SWT1: variants seen among roughly 807,000 people sequenced by gnomAD.
The protein encoded by SWT1 is transcriptional protein SWT1.
A neutral mutation model predicts 107.3 loss-of-function variants in SWT1; 33 were observed. The observed-to-expected ratio is 0.31, with a 90% CI of 0.23 to 0.41. The LOEUF (loss-of-function observed/expected upper bound fraction) is 0.41, where lower values mean the gene tolerates loss of function less well. SWT1 is among the 10% of genes least tolerant of loss of function. SWT1 has a pLI of 1.00. For missense variants in SWT1, 898 were observed against 1,028.9 expected, an observed-to-expected ratio of 0.87 and a Z score of 1.74; for synonymous variants, 345 against 348.3, an observed-to-expected ratio of 0.99 and a Z score of 0.11.
At chr1:185,226,516 A>G (rs1399190891) in intron 15 of SWT1, among the ~76,000 whole-genome samples, 3 of 152,126 alleles carry the variant, frequency 2.0e-5, no homozygotes, top group Non-Finnish European at 4.4e-5. Context: ...TGGGAGGATC[A>G]CTTGAGGCCA....
At chr1:185,232,498 A>G (rs1197280264) in intron 16 of SWT1, among the ~76,000 whole-genome samples, 2 of 152,180 alleles carry the variant, frequency 1.3e-5, no homozygotes, top group African/African-American at 4.8e-5. Context: ...TCTGAATCCA[A>G]ACAGCTGTGG....
intron 18 of SWT1, among the ~76,000 whole-genome samples, chr1:185,287,392 G>A (rs1665009880): frequency 1.3e-5 from 2 of 152,116 alleles, no homozygotes; most frequent in Admixed American, 6.5e-5. Context: ...TTTGAGCTCT[G>A]TTCTCGAAAG....
At chr1:185,260,713 G>A (rs1021884686) in intron 16 of SWT1, among the ~76,000 whole-genome samples, 5 of 152,102 alleles carry the variant, frequency 3.3e-5, no homozygotes, top group African/African-American at 4.8e-5. Context: ...TGAAAGGGTT[G>A]TGTTTATGAA....
chr1:185,262,630 A>C (rs1047650752), intron 16 of SWT1: 3 of 152,170 alleles, frequency 2.0e-5, no homozygotes, highest in Non-Finnish European at 4.4e-5. Context: ...ATTTTCTTAT[A>C]GTTCTAGAAA....
At chr1:185,209,124 C>T (rs1658565137) in intron 13 of SWT1, among the ~76,000 whole-genome samples, 1 of 152,108 alleles carries the variant, frequency 6.6e-6, no homozygotes, top group South Asian at 2.1e-4. Context: ...GGAGGAATTT[C>T]TTGTGGGATT....
chr1:185,227,582 C>A, intron 15 of SWT1: 1 of 507,184 alleles, frequency 2.0e-6, no homozygotes. Context: ...TTATTTTTAT[C>A]CTATTATCAC....
rs535842751 is a variant in SWT1, at chr1:185,257,443, C to T, written c.2442-13880C>T. Among the ~76,000 whole-genome samples, 719 of 150,298 alleles carry T rather than the reference C, an allele frequency of 4.8e-3. 5 individuals carry two copies. The highest frequency in any genetic ancestry group is 0.016 in the African/African-American group (668 of 41,084). On this transcript the variant is annotated intron_variant, in intron 16 of 18. Coordinates refer to ENST00000367500, the MANE Select transcript of SWT1 (RefSeq NM_017673.7). Reference sequence around the variant, plus strand: ...CTAGCAATCAGCGAGACTCCGTGGGCGTAGGACCCTCCGAGCCAGGTGCGG... The same window carrying T: ...CTAGCAATCAGCGAGACTCCGTGGGTGTAGGACCCTCCGAGCCAGGTGCGG...
At chr1:185,266,296 C>T (rs1571663607) in intron 16 of SWT1, among the ~76,000 whole-genome samples, 2 of 152,328 alleles carry the variant, frequency 1.3e-5, no homozygotes, top group East Asian at 1.9e-4. Flanking sequence ...GATCTCCTGA[C>T]CTCGTGATCT....
At chr1:185,195,889 A>G (rs1657343739) in intron 10 of SWT1, among the ~76,000 whole-genome samples, 1 of 152,188 alleles carries the variant, frequency 6.6e-6, no homozygotes. Flanking sequence ...GATTCTGGAT[A>G]TTAGCCCTTT....
At chr1:185,173,133 G>A (rs564784577) in intron 4 of SWT1, among the ~76,000 whole-genome samples, 15 of 150,770 alleles carry the variant, frequency 9.9e-5, no homozygotes, top group Non-Finnish European at 2.1e-4. Flanking sequence ...TTTTAAAAAT[G>A]TTTATTAGCT....
chr1:185,175,295 T>A (rs1179024039), intron 5 of SWT1, among the ~76,000 whole-genome samples, 182 bp downstream of exon 5: 1 of 151,806 alleles, frequency 6.6e-6, no homozygotes, highest in Non-Finnish European at 1.5e-5. Flanking sequence ...GGCACGATCC[T>A]GGCTCACTGC....
chr1:185,245,504 T>C (rs190773764), intron 16 of SWT1, among the ~76,000 whole-genome samples: 1 of 152,206 alleles, frequency 6.6e-6, no homozygotes, highest in Non-Finnish European at 1.5e-5. Context: ...TACCCTAAAA[T>C]AATAATAAAA....
chr1:185,240,795 GT>G (rs1260006964), intron 16 of SWT1, among the ~76,000 whole-genome samples: 1 of 151,968 alleles, frequency 6.6e-6, no homozygotes, highest in African/African-American at 2.4e-5. Flanking sequence ...GAAGTTTGGG[GT>G]TTTTTGGGTG....
intron 16 of SWT1, among the ~76,000 whole-genome samples, chr1:185,233,250 A>G (rs886312240): frequency 6.6e-6 from 1 of 152,206 alleles, no homozygotes. Flanking sequence ...TCAAAAAACC[A>G]GCTCCTGGAT....
intron 9 of SWT1, among the ~76,000 whole-genome samples, chr1:185,189,584 A>G (rs1479600465): frequency 6.6e-6 from 1 of 151,990 alleles, no homozygotes; most frequent in African/African-American, 2.4e-5. Context: ...TGATATTAGG[A>G]TTCGTGGTTT....
At chr1:185,160,761 C>A in intron 1 of SWT1, 72 bp from the exon 2 acceptor site, 2 of 1,110,316 alleles carry the variant, frequency 1.8e-6, no homozygotes, top group Non-Finnish European at 2.6e-6. Flanking sequence ...CTTTATATAA[C>A]TGAAAGAAGA....
chr1:185,279,336 A>T (rs1664467017), intron 18 of SWT1, among the ~76,000 whole-genome samples: 1 of 152,126 alleles, frequency 6.6e-6, no homozygotes, highest in African/African-American at 2.4e-5. Context: ...TTACTTTTAG[A>T]TTAGTTGGCA....
At chr1:185,184,166 C>A in intron 7 of SWT1, 77 bp from the exon 8 acceptor site, 1 of 691,468 alleles carries the variant, frequency 1.4e-6, no homozygotes, top group Non-Finnish European at 2.4e-6. Context: ...ATTTTCAATG[C>A]TTCTGTAATA....
chr1:185,274,903 C>G (rs964214331), intron 17 of SWT1, among the ~76,000 whole-genome samples: 2 of 152,068 alleles, frequency 1.3e-5, no homozygotes, highest in African/African-American at 4.8e-5. Context: ...GCCAGACCAT[C>G]ATGAGACTGT....
Sources: gnomAD v4.1 joint callset for allele counts (sites outside exome capture counted in the v4.1 genomes callset) on GRCh38, gnomAD v4.1.1 for gene constraint, MANE v1.5 for transcripts, NCBI Gene and HGNC (gene_info 2026-07-23, HGNC 2026-07-21) for gene names.